Variants in IL1RAPL2 observed in about 807,000 individuals in gnomAD.
IL1RAPL2 encodes the protein interleukin 1 receptor accessory protein like 2.
IL1RAPL2 carries 3 observed loss-of-function variants against 44.1 expected under a neutral mutation model. The observed-to-expected ratio is 0.07, with a 90% CI of 0.03 to 0.18. The LOEUF (loss-of-function observed/expected upper bound fraction) is 0.18, where lower values mean the gene tolerates loss of function less well. Among genes scored for constraint, IL1RAPL2 ranks in the 10% least tolerant of loss-of-function variants. IL1RAPL2 has a pLI of 1.00. For synonymous variants in IL1RAPL2, 181 were observed against 178.8 expected (o/e 1.01, Z -0.10); for missense variants, 391 against 496.4 (o/e 0.79, Z 2.02).
chrX:105,306,803 G>GGGA (rs1569421435), intron 5 of IL1RAPL2, among the ~76,000 whole-genome samples: 1 of 111,386 alleles, frequency 9.0e-6, no homozygotes. Flanking sequence ...AGGCTGAAGT[G>GGGA]GGAGGATCAT....
chrX:104,649,003 T>A (rs1277959852), intron 1 of IL1RAPL2, among the ~76,000 whole-genome samples: 1 of 111,554 alleles, frequency 9.0e-6, no homozygotes, highest in Non-Finnish European at 1.9e-5. Context: ...ACTATTCCTC[T>A]TATCTATTCC....
intron 2 of IL1RAPL2, among the ~76,000 whole-genome samples, chrX:104,725,390 T>C (rs1256007250): frequency 1.8e-5 from 2 of 111,598 alleles, no homozygotes; most frequent in Admixed American, 9.5e-5. Context: ...ATCCTTTGGG[T>C]ATATACTCAG....
chrX:105,520,094 G>A lies in IL1RAPL2; in HGVS notation c.772+35707G>A, dbSNP rs1312997745. Among the ~76,000 whole-genome samples, 4 of 111,785 alleles carry A rather than the reference G, an allele frequency of 3.6e-5. No homozygotes were observed. In the East Asian group the frequency reaches 8.5e-4, roughly 24 times the overall value. The stretch of plus-strand genomic sequence containing the variant: ...CTAGTCTGACAAGGCTCTTTTGATT[G>A]TATGCTATGTAAGTGTTACTTGACC... On this transcript the variant is annotated intron_variant, in intron 6 of 10. Transcript: ENST00000372582.
chrX:105,012,709 T>C (rs1477219736), intron 2 of IL1RAPL2, among the ~76,000 whole-genome samples: 1 of 99,362 alleles, frequency 1.0e-5, no homozygotes, highest in African/African-American at 3.8e-5. Flanking sequence ...AATGCAAAAT[T>C]ATCAAGTTCT....
At chrX:105,199,313 A>ATTT (rs57910427) in intron 3 of IL1RAPL2, among the ~76,000 whole-genome samples, 25 of 94,584 alleles carry the variant, frequency 2.6e-4, no homozygotes, top group Middle Eastern at 5.5e-3. Context: ...TGGTGGTTGT[A>ATTT]TTTTTTTTTT....
At chrX:104,655,816 T>C (rs1569290655) in intron 1 of IL1RAPL2, among the ~76,000 whole-genome samples, 1 of 111,433 alleles carries the variant, frequency 9.0e-6, no homozygotes, top group Non-Finnish European at 1.9e-5. Flanking sequence ...CTTTTTTTGG[T>C]TGGTAGGCTA....
intron 6 of IL1RAPL2, among the ~76,000 whole-genome samples, chrX:105,703,181 T>C (rs775135725): frequency 6.3e-5 from 7 of 111,365 alleles, no homozygotes; most frequent in African/African-American, 2.3e-4. Context: ...TCCTATGCAC[T>C]GTAAGATGGT....
chrX:105,686,725 A>C (rs1395584906), intron 6 of IL1RAPL2, among the ~76,000 whole-genome samples: 3 of 111,791 alleles, frequency 2.7e-5, no homozygotes, highest in Non-Finnish European at 5.6e-5. Flanking sequence ...AAGCAGACCT[A>C]ATAGACATCT....
chrX:104,685,626 G>T (rs1267358312), intron 2 of IL1RAPL2, among the ~76,000 whole-genome samples: 1 of 111,282 alleles, frequency 9.0e-6, no homozygotes, highest in Non-Finnish European at 1.9e-5. Flanking sequence ...AACCTGGGGT[G>T]GGGGAAGGGG....
chrX:105,524,211 T>C (rs1239637991), intron 6 of IL1RAPL2, among the ~76,000 whole-genome samples: 1 of 111,715 alleles, frequency 9.0e-6, no homozygotes, highest in Non-Finnish European at 1.9e-5. Context: ...CATGGTATGT[T>C]ACCATAACTG....
chrX:105,433,569 T>G (rs1382794774), intron 5 of IL1RAPL2, among the ~76,000 whole-genome samples: 1 of 111,644 alleles, frequency 9.0e-6, no homozygotes, highest in East Asian at 2.8e-4. Flanking sequence ...AACTACCCTA[T>G]TCCTTTACAT....
At chrX:105,500,688 A>T (rs191574210) in intron 6 of IL1RAPL2, among the ~76,000 whole-genome samples, 1 of 112,037 alleles carries the variant, frequency 8.9e-6, no homozygotes, top group African/African-American at 3.2e-5. Context: ...AATCTCTTAC[A>T]TAACTCTCCC....
At position 105,237,271 on chromosome X, in the gene IL1RAPL2, C is replaced by T. The variant is rs1206418488; in HGVS notation, c.543+3267C>T. On this transcript the variant is annotated intron_variant, in intron 4 of 10. Coordinates refer to ENST00000372582, the MANE Select transcript of IL1RAPL2 (RefSeq NM_017416.2). ...TTGGACATTTGGGTTGGTTCCAGGT[C>T]TTTTCTATTGTGAATAGTGCTGCAA... is the stretch of plus-strand genomic sequence containing the variant. Among the ~76,000 whole-genome samples the T allele has an allele frequency of 5.4e-5, 6 of 111,961 alleles. 1 individual carries two copies. The highest frequency in any genetic ancestry group is 2.8e-4 in the East Asian group (1 of 3,565).
chrX:105,687,251 C>CAA (rs58129747), intron 6 of IL1RAPL2, among the ~76,000 whole-genome samples: 1 of 101,025 alleles, frequency 9.9e-6, no homozygotes. Flanking sequence ...GATAGAGACA[C>CAA]AAAAAAAAAA....
rs750508202 is a variant in IL1RAPL2, at chrX:104,729,799, G to C, written c.82+70804G>C. 1.3e-4 allele frequency among the ~76,000 whole-genome samples: 14 copies of C among 110,525 alleles called. No individual in the cohort carries two copies. In the South Asian group the frequency reaches 5.4e-3, roughly 43 times the overall value. ...CTGTGCTAGTTTGCTAAGGATAATG[G>C]CCTCCAGCTCCATCATGTTCCTGCA... On this transcript the variant is annotated intron_variant, in intron 2 of 10. Coordinates refer to ENST00000372582, the MANE Select transcript of IL1RAPL2 (RefSeq NM_017416.2).
intron 2 of IL1RAPL2, among the ~76,000 whole-genome samples, chrX:104,914,064 G>A (rs1924334487): frequency 9.0e-6 from 1 of 111,581 alleles, no homozygotes; most frequent in Non-Finnish European, 1.9e-5. Context: ...AATAGGGACT[G>A]CCTGCAATAA....
chrX:105,364,081 T>G (rs1175862916), intron 5 of IL1RAPL2, among the ~76,000 whole-genome samples: 1 of 111,691 alleles, frequency 9.0e-6, no homozygotes, highest in Non-Finnish European at 1.9e-5. Flanking sequence ...TTTATCCATT[T>G]TGATTTGATT....
At chrX:105,303,003 T>C (rs781045035) in intron 5 of IL1RAPL2, among the ~76,000 whole-genome samples, 1 of 111,492 alleles carries the variant, frequency 9.0e-6, no homozygotes, top group African/African-American at 3.3e-5. Context: ...CTATATTGCT[T>C]TCTGCCGTGA....
At chrX:104,842,342 T>C (rs1338407383) in intron 2 of IL1RAPL2, among the ~76,000 whole-genome samples, 1 of 110,824 alleles carries the variant, frequency 9.0e-6, no homozygotes, top group Non-Finnish European at 1.9e-5. Context: ...ACATGCTCCT[T>C]TAGCTCAGAG....
Sources: allele counts gnomAD v4.1 joint callset (sites outside exome capture counted in the v4.1 genomes callset), GRCh38; gene constraint gnomAD v4.1.1; transcripts MANE v1.5; gene names NCBI Gene and HGNC (gene_info 2026-07-23, HGNC 2026-07-21).